PLXNB1: variants seen among roughly 807,000 people sequenced by gnomAD.
The protein encoded by PLXNB1 is plexin-B1.
A neutral mutation model predicts 209.4 loss-of-function variants in PLXNB1; 106 were observed. The observed-to-expected ratio is 0.51, with a 90% CI of 0.43 to 0.59. The LOEUF is 0.59. Among genes scored for constraint, PLXNB1 ranks in the 20% least tolerant of loss-of-function variants. PLXNB1 has a pLI of 0.00. For synonymous variants in PLXNB1, 1,167 were observed against 1,183.2 expected (o/e 0.99, Z 0.28); for missense variants, 2,357 against 2,853.2 (o/e 0.83, Z 3.96).
chr3:48,418,788 T>G lies in PLXNB1; in HGVS notation c.2955+129A>C. On this transcript the variant is annotated intron_variant, in intron 13 of 37. Transcript: ENST00000296440. The surrounding 1 kb of genome is among the most constrained non-coding windows in gnomAD (Gnocchi z 6.6). ...CATGGTCAGAGGTCAGAAATGGGTGTGGAGACTCCCTCAGGGCGACACGGT... is the reference window on the plus strand; with the variant it reads ...CATGGTCAGAGGTCAGAAATGGGTGGGGAGACTCCCTCAGGGCGACACGGT... 8.2e-7 allele frequency: 1 copy of G among 1,213,312 alleles called. No homozygotes were observed. Among genetic ancestry groups the G allele is most frequent in the Non-Finnish European group, 1.2e-6 (1 of 843,260 alleles). The allele number at this position is 1,213,312 out of a possible 1,614,324, so 75.2% of individuals were successfully genotyped here.
rs557090760 is a variant in PLXNB1, at chr3:48,419,640, G to A, written c.2646C>T (p.Pro882=). 9.9e-6 allele frequency: 16 copies of A among 1,612,582 alleles called. No homozygotes were observed. The highest frequency in any genetic ancestry group is 8.9e-5 in the East Asian group (4 of 44,880). The change falls in exon 11 of 38, where the codon CCC becomes CCT. Residue 882 remains proline (P), a synonymous_variant. Coordinates refer to ENST00000296440, the MANE Select transcript of PLXNB1 (RefSeq NM_001130082.3). This position sits in a 1 kb window ranked among gnomAD's most constrained non-coding sequence, Gnocchi z 5.7. ...DGDSAELEGP[P]APLILPSSLD... is the part of the protein sequence containing the mutation. ...GGCTGGACGGGAGGATGAGGGGGGCGGGAGGGCCCTCAAGCTCTGCTGAGT... is the reference window on the plus strand; with the variant it reads ...GGCTGGACGGGAGGATGAGGGGGGCAGGAGGGCCCTCAAGCTCTGCTGAGT...
rs776753109 is a variant in PLXNB1 at position 48,418,019 on chromosome 3, G to A, written c.3266C>T (p.Thr1089Ile). The A allele has an allele frequency of 4.3e-6, 7 of 1,613,508 alleles. No homozygotes were observed. In the Admixed American group the frequency reaches 1.0e-4, roughly 23 times the overall value. ...CTGGCCCAGGTTGGAGCCCCTGATG[G>A]TGACACGGGTGCCTCCGTCTACAGG... ...TGPVDGGTRV[T>I]IRGSNLGQHV... The change falls in exon 16 of 38, where the codon ACC (threonine) becomes ATC (isoleucine). Residue 1089 changes from threonine to isoleucine, a missense_variant. Thr to Ile is a moderately conservative substitution (Grantham distance 89). Transcript: ENST00000296440. This position sits in a 1 kb window ranked among gnomAD's most constrained non-coding sequence, Gnocchi z 6.6.
chr3:48,409,549 A>G lies in PLXNB1; in HGVS notation c.5939+22T>C. ...GAGAAGACCCCCCACACACACCTAG[A>G]GCCCACCCAGCTCCACCCCACCTGT... is the stretch of plus-strand genomic sequence containing the variant. On this transcript the variant is annotated intron_variant, in intron 33 of 37. Transcript: ENST00000296440. This position sits in a 1 kb window ranked among gnomAD's most constrained non-coding sequence, Gnocchi z 5.8. The G allele has an allele frequency of 6.2e-7, 1 of 1,613,726 alleles. No homozygotes were observed. Among genetic ancestry groups the G allele is most frequent in the Non-Finnish European group, 8.5e-7 (1 of 1,179,756 alleles).
At position 48,421,225 on chromosome 3, in the gene PLXNB1, C is replaced by T. The variant is rs377247448; in HGVS notation, c.1810+3G>A. 4.3e-6 allele frequency: 7 copies of T among 1,612,716 alleles called. No homozygotes were observed. Among genetic ancestry groups the T allele is most frequent in the African/African-American group, 4.0e-5 (3 of 74,886 alleles). The stretch of plus-strand genomic sequence containing the variant: ...CACCAGGCTGGCCCATTCTCTCACC[C>T]ACCGGCTCCTCTCGGCAGCACTGGG... On this transcript the variant is annotated splice_donor_region_variant and intron_variant, in intron 8 of 37. Coordinates refer to ENST00000296440, the MANE Select transcript of PLXNB1 (RefSeq NM_001130082.3).
rs951040397 is a variant in PLXNB1 at position 48,410,777 on chromosome 3, C to A, written c.5416+91G>T. 2.0e-5 allele frequency: 26 copies of A among 1,310,540 alleles called. No homozygotes were observed. In the African/African-American group the frequency reaches 3.5e-4, roughly 18 times the overall value. 81.2% of individuals were successfully genotyped at this position (1,310,540 alleles called of 1,614,324 possible). A position where few individuals can be genotyped will look rare whatever the true frequency, so the allele number is the denominator to read the frequency against. On this transcript the variant is annotated intron_variant, in intron 29 of 37. Coordinates refer to ENST00000296440, the MANE Select transcript of PLXNB1 (RefSeq NM_001130082.3). The surrounding 1 kb of genome is among the most constrained non-coding windows in gnomAD (Gnocchi z 6.4). ...GCCTGCCTCCCAGCATCCTCCCCACCCTGAGTGATGAGTTGTCCCTGCAGA... is the reference window on the plus strand; with the variant it reads ...GCCTGCCTCCCAGCATCCTCCCCACACTGAGTGATGAGTTGTCCCTGCAGA...
intron 8 of PLXNB1, 47 bp downstream of exon 8, chr3:48,421,181 T>A: frequency 1.3e-6 from 2 of 1,589,914 alleles, no homozygotes; most frequent in South Asian, 2.3e-5. Context: ...CCGCATCCCC[T>A]GAAGCAGGGG....
In PLXNB1 at chr3:48,405,789, C is replaced by T. The variant is rs749067956; in HGVS notation, c.6238G>A (p.Gly2080Arg). The T allele has an allele frequency of 5.9e-5, 95 of 1,613,194 alleles. 1 individual carries two copies. In the South Asian group the frequency reaches 7.6e-4, roughly 13 times the overall value. ...VLAELSWNYS[G>R]DLGARVALHE... ...AGGGCCACTCGCGCCCCGAGGTCTC[C>T]GGAGTAGTTCTAGGGAAGAGGCCAA... The change falls in exon 37 of 38, where the codon GGA becomes AGA. Residue 2080 changes from glycine to arginine, a missense_variant. Transcript: ENST00000296440. The surrounding 1 kb of genome is among the most constrained non-coding windows in gnomAD (Gnocchi z 5.0).
chr3:48,406,308 T>A lies in PLXNB1; in HGVS notation c.6229-510A>T, dbSNP rs2037313022. ...GGTGTCACCTAGCTTGTGGAGTTCT[T>A]GTGAGGATCAAATAAGACAATCAAA... On this transcript the variant is annotated intron_variant, in intron 36 of 37. Coordinates refer to ENST00000296440, the MANE Select transcript of PLXNB1 (RefSeq NM_001130082.3). The surrounding 1 kb of genome is among the most constrained non-coding windows in gnomAD (Gnocchi z 4.4). 6.6e-6 allele frequency among the ~76,000 whole-genome samples: 1 copy of A among 152,224 alleles called. No individual in the cohort carries two copies. The highest frequency in any genetic ancestry group is 1.5e-5 in the Non-Finnish European group (1 of 68,032).
chr3:48,418,896 C>G lies in PLXNB1; in HGVS notation c.2955+21G>C. Reference sequence around the variant, plus strand: ...GCCAGTGCAGTGCACCCGTGCCCACCCAGGCGCTCATGGTGTGCACCTGGT... The same window carrying G: ...GCCAGTGCAGTGCACCCGTGCCCACGCAGGCGCTCATGGTGTGCACCTGGT... On this transcript the variant is annotated intron_variant, in intron 13 of 37. Coordinates refer to ENST00000296440, the MANE Select transcript of PLXNB1 (RefSeq NM_001130082.3). The surrounding 1 kb of genome is among the most constrained non-coding windows in gnomAD (Gnocchi z 6.6). 2 of 1,613,596 alleles carry G rather than the reference C, an allele frequency of 1.2e-6. No homozygotes were observed. Among genetic ancestry groups the G allele is most frequent in the Non-Finnish European group, 8.5e-7 (1 of 1,179,926 alleles).
At position 48,420,142 on chromosome 3, in the gene PLXNB1, G is replaced by A. The variant is rs897348669; in HGVS notation, c.2144C>T (p.Ala715Val). Residue 715 changes from alanine to valine, a missense_variant, in exon 11 of 38, where the codon GCT (alanine) becomes GTT (valine). Transcript: ENST00000296440. Reference protein sequence around the residue: ...APDTLPVEPGAPSTATASDIS... With the variant: ...APDTLPVEPGVPSTATASDIS... ...GTCCGAAGCTGTGGCTGTGGAGGGA[G>A]CCCCAGGCTCCACGGGAAGGGTGTC... 2.8e-6 allele frequency: 4 copies of A among 1,420,400 alleles called. No homozygotes were observed. The African/African-American group carries it at 4.4e-5, about 16-fold the overall frequency. 88.0% of individuals were successfully genotyped at this position (1,420,400 alleles called of 1,614,324 possible).
Position 48,407,009 on chromosome 3 carries a change from C to A in PLXNB1, c.6152+18G>T, listed in dbSNP as rs1189089831. On this transcript the variant is annotated intron_variant, in intron 35 of 37. Coordinates refer to ENST00000296440, the MANE Select transcript of PLXNB1 (RefSeq NM_001130082.3). Reference sequence around the variant, plus strand: ...CTGCACACGCCCTCCAACCTCTACCCACCGTGCCCTCCAGTACCTTTCCAC... The same window carrying A: ...CTGCACACGCCCTCCAACCTCTACCAACCGTGCCCTCCAGTACCTTTCCAC... 21 of 1,613,612 alleles carry A rather than the reference C, an allele frequency of 1.3e-5. No homozygotes were observed. Among genetic ancestry groups the A allele is most frequent in the Non-Finnish European group, 1.8e-5 (21 of 1,179,626 alleles).
Position 48,413,371 on chromosome 3 carries a change from C to A in PLXNB1, c.4536-202G>T. 3.3e-6 allele frequency: 2 copies of A among 610,328 alleles called. No homozygotes were observed. Among genetic ancestry groups the A allele is most frequent in the Non-Finnish European group, 5.8e-6 (2 of 345,064 alleles). 37.8% of individuals were successfully genotyped at this position (610,328 alleles called of 1,614,324 possible). Reference sequence around the variant, plus strand: ...CACCCATGCCCCGTCTAGCCCAGCACAGTTTAGCCTAGAGATCAGCCAACC... The same window carrying A: ...CACCCATGCCCCGTCTAGCCCAGCAAAGTTTAGCCTAGAGATCAGCCAACC... On this transcript the variant is annotated intron_variant, in intron 23 of 37. Transcript: ENST00000296440. The surrounding 1 kb of genome is among the most constrained non-coding windows in gnomAD (Gnocchi z 5.4).
intron 34 of PLXNB1, among the ~76,000 whole-genome samples, chr3:48,408,576 C>T (rs949276514): frequency 1.8e-4 from 27 of 152,162 alleles, no homozygotes; most frequent in African/African-American, 6.3e-4. Flanking sequence ...TTCCCAGCTC[C>T]CCTCCTCACA....
chr3:48,407,326 C>T (rs2037374916), intron 34 of PLXNB1, among the ~76,000 whole-genome samples: 2 of 152,120 alleles, frequency 1.3e-5, no homozygotes. Context: ...TCTCTGATGT[C>T]ATCGGAAATC....
rs750754549 is a variant in PLXNB1 at position 48,405,745 on chromosome 3, G to A, written c.6282C>T (p.Tyr2094=). ...ARVALHELYK[Y]INKYYDQIIT... ...CCACCTGGTCATAGTACTTGTTGAT[G>A]TACTTGTAGAGTTCATGCAGGGCCA... Residue 2094 remains tyrosine, a synonymous_variant, in exon 37 of 38, where the codon TAC becomes TAT. Transcript: ENST00000296440. The surrounding 1 kb of genome is among the most constrained non-coding windows in gnomAD (Gnocchi z 5.0). 9.9e-6 allele frequency: 16 copies of A among 1,613,656 alleles called. No individual in the cohort carries two copies. In the Middle Eastern group the frequency reaches 5.0e-4, roughly 50 times the overall value.
At chr3:48,408,987 A>G (rs1371556288) in intron 34 of PLXNB1, among the ~76,000 whole-genome samples, 1 of 152,192 alleles carries the variant, frequency 6.6e-6, no homozygotes, top group South Asian at 2.1e-4. Flanking sequence ...GTCTGGTCAC[A>G]TAACTTCCCT....
rs974428494 is a variant in PLXNB1 at position 48,421,490 on chromosome 3, C to G, written c.1654-106G>C. 3.1e-6 allele frequency: 4 copies of G among 1,308,986 alleles called. No homozygotes were observed. In the African/African-American group the frequency reaches 5.9e-5, roughly 19 times the overall value. The allele number at this position is 1,308,986 out of a possible 1,614,324, so 81.1% of individuals were successfully genotyped here. On this transcript the variant is annotated intron_variant, in intron 7 of 37. Coordinates refer to ENST00000296440, the MANE Select transcript of PLXNB1 (RefSeq NM_001130082.3). ...GCAGGCACCAGCAATCAACAGCCCT[C>G]AGGCCTCCCCAAACACCCTCTGGCC... is the stretch of plus-strand genomic sequence containing the variant.
chr3:48,424,729 G>T lies in PLXNB1; in HGVS notation c.-6-112C>A, dbSNP rs146359728. On this transcript the variant is annotated intron_variant, in intron 2 of 37. Coordinates refer to ENST00000296440, the MANE Select transcript of PLXNB1 (RefSeq NM_001130082.3). ...TGCCAAGATGCTCCTCCTAACCTAG[G>T]GGGTGAGCAGAGGAGGACCAGGCTT... The T allele has an allele frequency of 3.5e-6, 4 of 1,155,444 alleles. No homozygotes were observed. In the East Asian group the frequency reaches 1.0e-4, roughly 30 times the overall value. The allele number at this position is 1,155,444 out of a possible 1,614,324, so 71.6% of individuals were successfully genotyped here.
chr3:48,419,483 C>G lies in PLXNB1; in HGVS notation c.2709+94G>C. Reference sequence around the variant, plus strand: ...GGGCTGCAGACTCCACCCTGCCCCTCACCTCCTCCCAGTGCAGAATCACAA... The same window carrying G: ...GGGCTGCAGACTCCACCCTGCCCCTGACCTCCTCCCAGTGCAGAATCACAA... On this transcript the variant is annotated intron_variant, in intron 11 of 37. Transcript: ENST00000296440. The surrounding 1 kb of genome is among the most constrained non-coding windows in gnomAD (Gnocchi z 5.7). The G allele has an allele frequency of 6.7e-7, 1 of 1,499,898 alleles. No individual in the cohort carries two copies. The highest frequency in any genetic ancestry group is 9.0e-7 in the Non-Finnish European group (1 of 1,112,670). 92.9% of individuals were successfully genotyped at this position (1,499,898 alleles called of 1,614,324 possible).
Sources: allele counts gnomAD v4.1 joint callset (sites outside exome capture counted in the v4.1 genomes callset), GRCh38; gene constraint gnomAD v4.1.1; non-coding constraint Gnocchi (gnomAD v3.1); transcripts MANE v1.5; gene names NCBI Gene and HGNC (gene_info 2026-07-23, HGNC 2026-07-21).